The following SUGCT variants were observed in gnomAD, a reference collection of about 807,000 sequenced individuals.
SUGCT encodes succinyl-CoA:glutarate-CoA transferase, also known as succinyl-CoA:glutarate CoA-transferase.
SUGCT carries 41 observed loss-of-function variants against 55.0 expected under a neutral mutation model. That is an observed-to-expected ratio of 0.74 (90% confidence interval 0.58 to 0.97). The LOEUF is 0.97. Ranked by LOEUF, SUGCT falls within the 50% of genes least tolerant of loss-of-function variation. The probability of loss-of-function intolerance (pLI) is 0.00; values close to 1 mark genes in which losing one functional copy is unlikely to be tolerated. For synonymous variants in SUGCT, 187 were observed against 200.4 expected, an observed-to-expected ratio of 0.93 and a Z score of 0.56; for missense variants, 568 against 547.8, an observed-to-expected ratio of 1.04 and a Z score of -0.37.
At chr7:40,389,442 AAAACAAACAAAC>A (rs67574547) in intron 9 of SUGCT, among the ~76,000 whole-genome samples, 1 of 107,228 alleles carries the variant, frequency 9.3e-6, no homozygotes, top group Non-Finnish European at 2.0e-5. Flanking sequence ...CGCCTGTCTC[AAAACAAACAAAC>A]AAACAAACAA....
At chr7:40,415,066 A>ATCTATCTGTCTG (rs1562760157) in intron 9 of SUGCT, among the ~76,000 whole-genome samples, 13 of 71,206 alleles carry the variant, frequency 1.8e-4, no homozygotes, top group South Asian at 4.5e-4. Context: ...AAAAAAATCT[A>ATCTATCTGTCTG]TCTATCTATC....
At chr7:40,584,132 C>G (rs1469715980) in intron 12 of SUGCT, among the ~76,000 whole-genome samples, 2 of 152,088 alleles carry the variant, frequency 1.3e-5, no homozygotes, top group Non-Finnish European at 2.9e-5. Context: ...ATCAAGTTAA[C>G]AAAAGTCTGT....
chr7:41,036,864 A>G, the SUGCT span, among the ~76,000 whole-genome samples: 1 of 152,170 alleles, frequency 6.6e-6, no homozygotes, highest in Non-Finnish European at 1.5e-5. Context: ...TAAGCTTGGC[A>G]TTTTAAGAAC....
At chr7:40,473,125 T>TC (rs1790484612) in intron 11 of SUGCT, among the ~76,000 whole-genome samples, 1 of 152,208 alleles carries the variant, frequency 6.6e-6, no homozygotes, top group African/African-American at 2.4e-5. Context: ...GTGAATGTTC[T>TC]GATGAAACAC....
intron 12 of SUGCT, among the ~76,000 whole-genome samples, chr7:40,572,446 A>G (rs1796503442): frequency 6.6e-6 from 1 of 152,028 alleles, no homozygotes; most frequent in Non-Finnish European, 1.5e-5. Context: ...TCTGGGATCT[A>G]AGGAAGGAGA....
the SUGCT span, among the ~76,000 whole-genome samples, chr7:40,899,944 G>C: frequency 6.6e-6 from 1 of 152,186 alleles, no homozygotes; most frequent in Non-Finnish European, 1.5e-5. Flanking sequence ...GCCCAGGCCT[G>C]GAGTTTCGCA....
chr7:40,290,673 A>C (rs914081713), intron 8 of SUGCT, among the ~76,000 whole-genome samples: 1 of 152,196 alleles, frequency 6.6e-6, no homozygotes, highest in African/African-American at 2.4e-5. Context: ...ATTAAACTAA[A>C]GAGCTTCTGC....
intron 9 of SUGCT, among the ~76,000 whole-genome samples, chr7:40,398,577 A>T (rs1214489955): frequency 1.4e-5 from 2 of 146,590 alleles, no homozygotes; most frequent in African/African-American, 5.1e-5. Context: ...TCCCGGGATC[A>T]TGTATCAAAT....
the SUGCT span, among the ~76,000 whole-genome samples, chr7:41,018,705 A>T: frequency 8.1e-4 from 123 of 152,342 alleles, no homozygotes; most frequent in African/African-American, 2.9e-3. Context: ...AAGTGTCTGA[A>T]GAAACTATGG....
chr7:40,995,018 A>T, the SUGCT span, among the ~76,000 whole-genome samples: 4 of 152,194 alleles, frequency 2.6e-5, no homozygotes, highest in Non-Finnish European at 5.9e-5. Context: ...TAAACTACCC[A>T]GTCTTAGGTA....
chr7:40,139,131 T>TC (rs1787845898), intron 1 of SUGCT, among the ~76,000 whole-genome samples: 1 of 3,844 alleles, frequency 2.6e-4, no homozygotes, highest in African/African-American at 4.4e-4. Flanking sequence ...GGCTCAAAAA[T>TC]AAATAAATAA....
chr7:40,384,815 G>C (rs1236728871), intron 9 of SUGCT, among the ~76,000 whole-genome samples: 1 of 151,980 alleles, frequency 6.6e-6, no homozygotes, highest in South Asian at 2.1e-4. Flanking sequence ...AAAGTGCTAA[G>C]ATTACAGGCA....
chr7:41,030,592 C>T, the SUGCT span, among the ~76,000 whole-genome samples: 1 of 152,116 alleles, frequency 6.6e-6, no homozygotes. Context: ...ATTAGATTTC[C>T]AAGTTATCTG....
intron 9 of SUGCT, among the ~76,000 whole-genome samples, chr7:40,322,111 A>C (rs1048445975): frequency 6.6e-6 from 1 of 152,174 alleles, no homozygotes; most frequent in East Asian, 1.9e-4. Flanking sequence ...TTTTAAGAGC[A>C]GTGTTTTTTT....
chr7:40,626,771 A>G (rs1230157279), intron 12 of SUGCT, among the ~76,000 whole-genome samples: 1 of 152,248 alleles, frequency 6.6e-6, no homozygotes. Flanking sequence ...CAAGTTGCTT[A>G]TCTTTACTGA....
intron 12 of SUGCT, among the ~76,000 whole-genome samples, chr7:40,554,492 G>A (rs1218533093): frequency 2.0e-5 from 3 of 152,202 alleles, no homozygotes; most frequent in Non-Finnish European, 4.4e-5. Flanking sequence ...AAATGTGAGA[G>A]TTAAACAGCA....
intron 12 of SUGCT, among the ~76,000 whole-genome samples, chr7:40,536,614 A>G (rs1794377293): frequency 6.6e-6 from 1 of 152,242 alleles, no homozygotes; most frequent in Non-Finnish European, 1.5e-5. Flanking sequence ...TTTAACAAGC[A>G]TTTCCTGAAT....
At chr7:40,836,783 T>C (rs968881625) in intron 13 of SUGCT, among the ~76,000 whole-genome samples, 4 of 152,262 alleles carry the variant, frequency 2.6e-5, no homozygotes, top group Non-Finnish European at 5.9e-5. Flanking sequence ...CTTGTGTCAA[T>C]AGTTCATTCC....
chr7:40,823,772 A>T (rs1792154445), intron 13 of SUGCT, among the ~76,000 whole-genome samples: 1 of 152,084 alleles, frequency 6.6e-6, no homozygotes, highest in South Asian at 2.1e-4. Flanking sequence ...TTAAATTTTT[A>T]TTTCCCTTAA....
Sources: allele counts gnomAD v4.1 joint callset (sites outside exome capture counted in the v4.1 genomes callset), GRCh38; gene constraint gnomAD v4.1.1; transcripts MANE v1.5; gene names NCBI Gene and HGNC (gene_info 2026-07-23, HGNC 2026-07-21).